Variants in RBFOX1 observed in about 807,000 individuals in gnomAD.
RBFOX1 encodes the protein RNA binding fox-1 homolog 1, also known as RNA binding protein fox-1 homolog 1.
Under a neutral mutation model 57.7 loss-of-function variants are expected in RBFOX1, and 8 were observed. The ratio of observed to expected loss-of-function variants is 0.14; its 90% CI spans 0.08 to 0.25. The LOEUF is 0.25. Among genes scored for constraint, RBFOX1 ranks in the 10% least tolerant of loss-of-function variants. RBFOX1 has a pLI of 1.00. For synonymous variants in RBFOX1, 326 were observed against 222.4 expected (o/e 1.47, Z -4.15); for missense variants, 611 against 548.5 (o/e 1.11, Z -1.14).
At chr16:5,536,870 G>A (rs2044719614) in intron 2 of RBFOX1, among the ~76,000 whole-genome samples, 1 of 152,104 alleles carries the variant, frequency 6.6e-6, no homozygotes, top group African/African-American at 2.4e-5. Context: ...TACAAATGAA[G>A]GTTTATTCTA....
At chr16:5,740,953 G>A (rs1257873605) in intron 3 of RBFOX1, among the ~76,000 whole-genome samples, 1 of 152,200 alleles carries the variant, frequency 6.6e-6, no homozygotes, top group African/African-American at 2.4e-5. Context: ...ATGAGTTGGA[G>A]TGGGATCATG....
intron 4 of RBFOX1, among the ~76,000 whole-genome samples, chr16:5,897,272 T>G (rs1049215575): frequency 3.7e-4 from 56 of 150,802 alleles, no homozygotes; most frequent in African/African-American, 1.4e-3. Context: ...CCTGACCTCA[T>G]GATCCACCCG....
At chr16:6,210,447 G>T (rs183434282) in intron 1 of RBFOX1, among the ~76,000 whole-genome samples, 76 of 151,132 alleles carry the variant, frequency 5.0e-4, no homozygotes, top group African/African-American at 1.8e-3. Flanking sequence ...TCTTACAAAG[G>T]GATCAGACAC....
At chr16:5,828,425 C>T (rs990916791) in intron 3 of RBFOX1, among the ~76,000 whole-genome samples, 1 of 152,174 alleles carries the variant, frequency 6.6e-6, no homozygotes, top group South Asian at 2.1e-4. Context: ...AAAAATGCAA[C>T]CACCGGGCTC....
chr16:6,553,282 A>C (rs1005341528), intron 2 of RBFOX1, among the ~76,000 whole-genome samples: 1 of 152,244 alleles, frequency 6.6e-6, no homozygotes, highest in Non-Finnish European at 1.5e-5. Flanking sequence ...CCACCGATTT[A>C]GAGCAGACAG....
intron 1 of RBFOX1, among the ~76,000 whole-genome samples, chr16:6,264,510 G>C (rs528705596): frequency 6.6e-6 from 1 of 152,096 alleles, no homozygotes; most frequent in Non-Finnish European, 1.5e-5. Flanking sequence ...CAGGCCCATC[G>C]GTTCTCATTG....
intron 11 of RBFOX1, among the ~76,000 whole-genome samples, chr16:7,642,926 C>T (rs928885017): frequency 6.6e-6 from 1 of 152,312 alleles, no homozygotes; most frequent in East Asian, 1.9e-4. Flanking sequence ...TACAAAAATC[C>T]TGCCCGGCGG....
At chr16:5,252,805 G>A (rs1485061671) in intron 1 of RBFOX1, among the ~76,000 whole-genome samples, 3 of 152,222 alleles carry the variant, frequency 2.0e-5, no homozygotes, top group Non-Finnish European at 4.4e-5. Context: ...CAAGGGGCCT[G>A]CAGATGAAAC....
intron 4 of RBFOX1, among the ~76,000 whole-genome samples, chr16:7,354,683 C>T (rs1053645336): frequency 3.9e-5 from 6 of 152,174 alleles, no homozygotes; most frequent in African/African-American, 1.2e-4. Context: ...GGGAAGATAG[C>T]ACTCTCTGGA....
intron 4 of RBFOX1, among the ~76,000 whole-genome samples, chr16:7,300,130 G>C (rs558972868): frequency 1.3e-5 from 2 of 152,244 alleles, no homozygotes; most frequent in African/African-American, 2.4e-5. Flanking sequence ...CCCTGATCTT[G>C]ATCTTGCCTG....
At chr16:6,121,598 G>C (rs935440483) in intron 1 of RBFOX1, among the ~76,000 whole-genome samples, 23 of 152,076 alleles carry the variant, frequency 1.5e-4, no homozygotes, top group African/African-American at 5.3e-4. Context: ...GTCTAAGGGA[G>C]CATTCCTGCT....
At chr16:6,777,851 T>A (rs143628239) in intron 3 of RBFOX1, among the ~76,000 whole-genome samples, 1,812 of 152,220 alleles carry the variant, frequency 0.012, 39 homozygotes, top group African/African-American at 0.04. Context: ...GCACTAAGAG[T>A]ATTCCTCAGA....
intron 1 of RBFOX1, among the ~76,000 whole-genome samples, chr16:5,337,304 AG>A (rs1176373778): frequency 6.6e-6 from 1 of 152,204 alleles, no homozygotes; most frequent in African/African-American, 2.4e-5. Flanking sequence ...AAAAGTGTAC[AG>A]GTGAGTTTTC....
At chr16:6,209,039 A>C (rs932876308) in intron 1 of RBFOX1, among the ~76,000 whole-genome samples, 1 of 152,134 alleles carries the variant, frequency 6.6e-6, no homozygotes, top group Admixed American at 6.5e-5. Flanking sequence ...ATAATTTTGA[A>C]AATGTTTGTG....
intron 1 of RBFOX1, among the ~76,000 whole-genome samples, chr16:5,449,054 C>G (rs1567526353): frequency 3.9e-5 from 6 of 152,128 alleles, no homozygotes; most frequent in Admixed American, 3.9e-4. Flanking sequence ...AAAGACTGGA[C>G]ACGTTACCCC....
At chr16:6,867,523 A>G (rs1187793809) in intron 3 of RBFOX1, among the ~76,000 whole-genome samples, 2 of 152,152 alleles carry the variant, frequency 1.3e-5, no homozygotes, top group Non-Finnish European at 2.9e-5. Flanking sequence ...GTTCGAGATC[A>G]GCCTGGCCAA....
chr16:6,944,660 A>G (rs1205514241), intron 3 of RBFOX1, among the ~76,000 whole-genome samples: 3 of 152,134 alleles, frequency 2.0e-5, no homozygotes, highest in African/African-American at 7.2e-5. Context: ...ATCACAGCCT[A>G]GAAAGTGCAG....
At chr16:6,228,199 T>A (rs1257120864) in intron 1 of RBFOX1, among the ~76,000 whole-genome samples, 2 of 152,072 alleles carry the variant, frequency 1.3e-5, no homozygotes, top group Non-Finnish European at 2.9e-5. Context: ...TATTCCCAGC[T>A]ACTCGGGGCC....
intron 6 of RBFOX1, 140 bp from the exon 7 acceptor site, chr16:7,587,107 C>A (rs1400464942): frequency 3.7e-6 from 4 of 1,088,530 alleles, no homozygotes; most frequent in East Asian, 3.2e-5. Flanking sequence ...TTGTTTCAAG[C>A]ACATTAACCA....
Sources: allele counts gnomAD v4.1 joint callset (sites outside exome capture counted in the v4.1 genomes callset), GRCh38; gene constraint gnomAD v4.1.1; transcripts MANE v1.5; gene names NCBI Gene and HGNC (gene_info 2026-07-23, HGNC 2026-07-21).